Variants in CUL1 observed in about 807,000 individuals in gnomAD.
CUL1 encodes cullin-1.
CUL1 carries 24 observed loss-of-function variants against 118.0 expected under a neutral mutation model. That is an observed-to-expected ratio of 0.20 (90% CI 0.15 to 0.29). The LOEUF is 0.29. Among genes scored for constraint, CUL1 ranks in the 10% least tolerant of loss-of-function variants. The pLI is 1.00. For missense variants in CUL1, 361 were observed against 933.8 expected, an observed-to-expected ratio of 0.39 and a Z score of 7.99; for synonymous variants, 332 against 340.4, an observed-to-expected ratio of 0.98 and a Z score of 0.27.
intron 21 of CUL1, among the ~76,000 whole-genome samples, chr7:148,799,649 G>A (rs1801321814): frequency 6.6e-6 from 1 of 152,152 alleles, no homozygotes; most frequent in African/African-American, 2.4e-5. Flanking sequence ...AACATGCCCG[G>A]CATCCCGGAA....
At chr7:148,756,071 C>G (rs1246085565) in intron 3 of CUL1, among the ~76,000 whole-genome samples, 1 of 152,132 alleles carries the variant, frequency 6.6e-6, no homozygotes, top group Non-Finnish European at 1.5e-5. Flanking sequence ...TGCCATTAAT[C>G]CCTAAGAAAA....
In CUL1 at chr7:148,720,549, AT is replaced by A. The variant is rs1798365961; in HGVS notation, c.-161-9411del. On this transcript the variant is annotated intron_variant, in intron 1 of 21. Coordinates refer to ENST00000325222, the MANE Select transcript of CUL1 (RefSeq NM_003592.3). ...AGAGGGAATGGGGAGGAAAAGTGAG[AT>A]TGCACGCAACATGAGGAAAATAGAT... Among the ~76,000 whole-genome samples, 6 of 152,120 alleles carry A rather than the reference AT, an allele frequency of 3.9e-5. No individual in the cohort carries two copies. The South Asian group carries it at 1.2e-3, about 32-fold the overall frequency.
At position 148,729,999 on chromosome 7, in the gene CUL1, G is replaced by T; in HGVS notation, c.-124G>T. 1 of 1,081,842 alleles carries T rather than the reference G, an allele frequency of 9.2e-7. No homozygotes were observed. 67.0% of individuals were successfully genotyped at this position (1,081,842 alleles called of 1,614,324 possible). ...TGAGATTTCATTCTCTACATTTAAAGGACATCCTTTCTGAGCTGCTGTGAA... is the reference window on the plus strand; with the variant it reads ...TGAGATTTCATTCTCTACATTTAAATGACATCCTTTCTGAGCTGCTGTGAA... On this transcript the variant is annotated 5_prime_UTR_variant, in exon 2 of 22. In the 5' UTR this introduces an upstream ATG that the reference lacks. Coordinates refer to ENST00000325222, the MANE Select transcript of CUL1 (RefSeq NM_003592.3).
chr7:148,772,585 G>A (rs1437007192), intron 9 of CUL1, among the ~76,000 whole-genome samples: 1 of 152,184 alleles, frequency 6.6e-6, no homozygotes, highest in Non-Finnish European at 1.5e-5. Context: ...TCTTTAGCAA[G>A]CATTTAGGGC....
At chr7:148,788,695 A>G (rs1296196498) in intron 14 of CUL1, 21 bp downstream of exon 14, 11 of 1,496,180 alleles carry the variant, frequency 7.4e-6, no homozygotes, top group African/African-American at 1.4e-5. Context: ...GTGTGTCTCT[A>G]TGTTGTGTTT....
chr7:148,733,180 A>G (rs1798821274), intron 2 of CUL1, among the ~76,000 whole-genome samples: 1 of 152,176 alleles, frequency 6.6e-6, no homozygotes, highest in Non-Finnish European at 1.5e-5. Context: ...CTGTATTTGA[A>G]TGGATCACAT....
At position 148,753,082 on chromosome 7, in the gene CUL1, A is replaced by G. The variant is rs575903176; in HGVS notation, c.141-894A>G. Among the ~76,000 whole-genome samples the G allele has an allele frequency of 2.6e-5, 4 of 152,342 alleles. No homozygotes were observed. The South Asian group carries it at 6.2e-4, about 24-fold the overall frequency. On this transcript the variant is annotated intron_variant, in intron 2 of 21. Transcript: ENST00000325222. ...TTTTAAATCTTAATCCATTTGTAAT[A>G]TATTTTGGAATATAACATGGAATAT...
At chr7:148,770,879 C>A (rs1054807440) in intron 9 of CUL1, among the ~76,000 whole-genome samples, 7 of 152,086 alleles carry the variant, frequency 4.6e-5, no homozygotes, top group African/African-American at 1.2e-4. Flanking sequence ...TAATTATTTT[C>A]AAAAACCCAC....
At chr7:148,746,392 A>G (rs1039904791) in intron 2 of CUL1, among the ~76,000 whole-genome samples, 9 of 152,184 alleles carry the variant, frequency 5.9e-5, no homozygotes, top group Non-Finnish European at 1.0e-4. Flanking sequence ...TCTTTCTGTC[A>G]GCAAACTATT....
intron 7 of CUL1, among the ~76,000 whole-genome samples, chr7:148,762,154 G>C (rs1799850847): frequency 6.6e-6 from 1 of 152,254 alleles, no homozygotes; most frequent in South Asian, 2.1e-4. Context: ...CCTGACACCT[G>C]CTTGCCCTGT....
intron 9 of CUL1, chr7:148,783,533 T>G: frequency 7.3e-7 from 1 of 1,369,606 alleles, no homozygotes; most frequent in Non-Finnish European, 9.4e-7. Context: ...CTGTTTTTAA[T>G]GCAAGCTCGG....
Position 148,792,711 on chromosome 7 carries a change from T to C in CUL1, c.1807-15T>C. 5 of 1,601,176 alleles carry C rather than the reference T, an allele frequency of 3.1e-6. No homozygotes were observed. The highest frequency in any genetic ancestry group is 3.4e-6 in the Non-Finnish European group (4 of 1,172,872). ...AAATTTTCCTTCTTTTTCTTTTATATGGGGGGCCGCAAAGGCGTCGACATT... is the reference window on the plus strand; with the variant it reads ...AAATTTTCCTTCTTTTTCTTTTATACGGGGGGCCGCAAAGGCGTCGACATT... On this transcript the variant is annotated splice_polypyrimidine_tract_variant and intron_variant, in intron 16 of 21. Coordinates refer to ENST00000325222, the MANE Select transcript of CUL1 (RefSeq NM_003592.3).
intron 9 of CUL1, among the ~76,000 whole-genome samples, chr7:148,768,246 G>C (rs1800071387): frequency 6.6e-6 from 1 of 152,048 alleles, no homozygotes; most frequent in African/African-American, 2.4e-5. Context: ...CTGTAATTCA[G>C]GTCATCTGTA....
chr7:148,700,464 A>C (rs1797688324), intron 1 of CUL1, among the ~76,000 whole-genome samples: 1 of 152,248 alleles, frequency 6.6e-6, no homozygotes, highest in Admixed American at 6.5e-5. Flanking sequence ...ATGATGTTTA[A>C]AATGTAAAAC....
At chr7:148,798,376 G>A (rs563996629) in intron 19 of CUL1, among the ~76,000 whole-genome samples, 196 bp from the exon 20 acceptor site, 2 of 152,190 alleles carry the variant, frequency 1.3e-5, no homozygotes, top group South Asian at 2.1e-4. Context: ...GTTAATGGCC[G>A]AGTAGGAAAC....
chr7:148,770,252 C>T (rs1269144051), intron 9 of CUL1, among the ~76,000 whole-genome samples: 1 of 152,344 alleles, frequency 6.6e-6, no homozygotes, highest in Middle Eastern at 3.4e-3. Context: ...AGCTTTTAAA[C>T]AATGCTTGTG....
intron 1 of CUL1, among the ~76,000 whole-genome samples, chr7:148,700,308 G>C (rs573324874): frequency 3.3e-5 from 5 of 152,178 alleles, no homozygotes; most frequent in Non-Finnish European, 7.4e-5. Flanking sequence ...TTTACTTCAA[G>C]CCATGAGCTT....
chr7:148,778,096 A>AAAAAAAAAAAAAAAAAAAAAAC (rs1563166639), intron 9 of CUL1, among the ~76,000 whole-genome samples: 2 of 59,306 alleles, frequency 3.4e-5, no homozygotes, highest in Admixed American at 2.2e-4. Context: ...AAAAAAAAAA[A>AAAAAAAAAAAAAAAAAAAAAAC]AGAAGAAGAA....
chr7:148,742,202 G>A (rs1799163425), intron 2 of CUL1, among the ~76,000 whole-genome samples: 2 of 152,170 alleles, frequency 1.3e-5, no homozygotes, highest in Non-Finnish European at 1.5e-5. Flanking sequence ...ATATTAGTCT[G>A]TTCTCATACA....
Sources: allele counts gnomAD v4.1 joint callset (sites outside exome capture counted in the v4.1 genomes callset), GRCh38; gene constraint gnomAD v4.1.1; transcripts MANE v1.5; gene names NCBI Gene and HGNC (gene_info 2026-07-23, HGNC 2026-07-21).